KCNAB1: variants seen among roughly 807,000 people sequenced by gnomAD.
KCNAB1 encodes voltage-gated potassium channel subunit beta-1.
In KCNAB1, 35 loss-of-function variants were observed where a neutral mutation model predicts 64.6. The ratio of observed to expected loss-of-function variants is 0.54; its 90% CI spans 0.41 to 0.72. The LOEUF is 0.72. Among genes scored for constraint, KCNAB1 ranks in the 30% least tolerant of loss-of-function variants. The pLI is 0.00. For synonymous variants in KCNAB1, 177 were observed against 183.8 expected (o/e 0.96, Z 0.30); for missense variants, 401 against 512.9 (o/e 0.78, Z 2.11).
intron 1 of KCNAB1, among the ~76,000 whole-genome samples, chr3:156,179,981 A>G (rs1712698711): frequency 6.6e-6 from 1 of 152,204 alleles, no homozygotes; most frequent in East Asian, 1.9e-4. Context: ...CTTAACATAT[A>G]TTGAACATTT....
intron 1 of KCNAB1, among the ~76,000 whole-genome samples, chr3:156,197,821 T>C (rs993489727): frequency 6.6e-6 from 1 of 152,208 alleles, no homozygotes; most frequent in African/African-American, 2.4e-5. Context: ...TAGTTATTTC[T>C]TGTCTTCTGC....
intron 1 of KCNAB1, among the ~76,000 whole-genome samples, chr3:156,310,730 G>T (rs142702440): frequency 2.1e-4 from 32 of 152,310 alleles, no homozygotes; most frequent in African/African-American, 7.7e-4. Flanking sequence ...CGTGAACTCA[G>T]GAGGCGGAGC....
intron 2 of KCNAB1, among the ~76,000 whole-genome samples, chr3:156,426,094 G>C (rs777873977): frequency 1.7e-4 from 26 of 152,282 alleles, no homozygotes; most frequent in Non-Finnish European, 3.2e-4. Context: ...AGCTAGGTTT[G>C]ATTATAAGAA....
In KCNAB1 at chr3:156,143,941, T is replaced by A. The variant is rs914448422; in HGVS notation, c.275+23055T>A. 3.4e-5 allele frequency among the ~76,000 whole-genome samples: 5 copies of A among 145,864 alleles called. No individual in the cohort carries two copies. The South Asian group carries it at 6.5e-4, about 19-fold the overall frequency. Reference sequence around the variant, plus strand: ...TATTTATTTATTTATTTATTTATTTTTTAAATCAGTGTCACCCAAGATAAA... The same window carrying A: ...TATTTATTTATTTATTTATTTATTTATTAAATCAGTGTCACCCAAGATAAA... On this transcript the variant is annotated intron_variant, in intron 1 of 13. Coordinates refer to ENST00000490337, the MANE Select transcript of KCNAB1 (RefSeq NM_172160.3).
intron 1 of KCNAB1, among the ~76,000 whole-genome samples, chr3:156,403,056 G>A (rs1311613497): frequency 6.6e-6 from 1 of 152,102 alleles, no homozygotes; most frequent in Non-Finnish European, 1.5e-5. Context: ...CTTAGATATG[G>A]GGAAAAAATC....
In KCNAB1 at chr3:156,484,562, G is replaced by T. The variant is rs556459732; in HGVS notation, c.658+9742G>T. The stretch of plus-strand genomic sequence containing the variant: ...CCATATTCTGAGGGGATGTTGACTG[G>T]ATCTCAGGAGAATTCATTTCTGTAA... On this transcript the variant is annotated intron_variant, in intron 8 of 13. Transcript: ENST00000490337. Among the ~76,000 whole-genome samples, 8 of 152,202 alleles carry T rather than the reference G, an allele frequency of 5.3e-5. No homozygotes were observed. The East Asian group carries it at 1.6e-3, about 30-fold the overall frequency.
Position 156,452,103 on chromosome 3 carries a change from C to T in KCNAB1, c.320-796C>T, listed in dbSNP as rs1712053083. Among the ~76,000 whole-genome samples the T allele has an allele frequency of 6.6e-6, 1 of 152,160 alleles. No homozygotes were observed. Among genetic ancestry groups the T allele is most frequent in the South Asian group, 2.1e-4 (1 of 4,830 alleles). ...TAATTAGGAATCAAAAGAATTCATTCCCTCCTTTAGGAAGGGAAAGGAAGG... is the reference window on the plus strand; with the variant it reads ...TAATTAGGAATCAAAAGAATTCATTTCCTCCTTTAGGAAGGGAAAGGAAGG... On this transcript the variant is annotated intron_variant, in intron 2 of 13. Transcript: ENST00000490337. The surrounding 1 kb of genome is among the most constrained non-coding windows in gnomAD (Gnocchi z 4.6).
At chr3:156,244,991 G>T (rs559049226) in intron 1 of KCNAB1, among the ~76,000 whole-genome samples, 36 of 152,310 alleles carry the variant, frequency 2.4e-4, no homozygotes, top group African/African-American at 8.2e-4. Flanking sequence ...GAATCTCAAG[G>T]TCAGGCAAAG....
intron 1 of KCNAB1, among the ~76,000 whole-genome samples, chr3:156,328,992 A>G (rs979654501): frequency 1.3e-5 from 2 of 152,142 alleles, no homozygotes; most frequent in African/African-American, 4.8e-5. Context: ...TTTTGATATT[A>G]TCAAAATTTT....
chr3:156,310,107 C>T (rs979534676), intron 1 of KCNAB1, among the ~76,000 whole-genome samples: 2 of 152,260 alleles, frequency 1.3e-5, no homozygotes, highest in South Asian at 2.1e-4. Context: ...AAAGAGTGAA[C>T]GAGAGGACTC....
intron 1 of KCNAB1, among the ~76,000 whole-genome samples, chr3:156,324,448 G>A (rs879857343): frequency 1.3e-5 from 2 of 152,014 alleles, no homozygotes; most frequent in African/African-American, 2.4e-5. Context: ...CCCATGAATC[G>A]GTGCCATTTT....
At chr3:156,346,423 C>G (rs1159599012) in intron 1 of KCNAB1, among the ~76,000 whole-genome samples, 3 of 151,926 alleles carry the variant, frequency 2.0e-5, no homozygotes, top group Non-Finnish European at 4.4e-5. Flanking sequence ...AATGAAAGTC[C>G]ACAAAGAAAT....
chr3:156,333,247 A>G (rs951868847), intron 1 of KCNAB1, among the ~76,000 whole-genome samples: 2 of 151,974 alleles, frequency 1.3e-5, no homozygotes, highest in East Asian at 1.9e-4. Context: ...GAGTTCCTCT[A>G]CGCTGGACTG....
chr3:156,522,152 G>C (rs1238825991), intron 11 of KCNAB1, among the ~76,000 whole-genome samples: 2 of 147,356 alleles, frequency 1.4e-5, no homozygotes, highest in South Asian at 4.3e-4. Context: ...TACATGCATG[G>C]TATATACTGA....
intron 2 of KCNAB1, among the ~76,000 whole-genome samples, chr3:156,444,483 C>T (rs1717256650): frequency 6.6e-6 from 1 of 152,208 alleles, no homozygotes; most frequent in African/African-American, 2.4e-5. Context: ...ATCCTGTGAA[C>T]TAGTTATGAT....
intron 1 of KCNAB1, among the ~76,000 whole-genome samples, chr3:156,369,721 C>T (rs570003770): frequency 2.0e-5 from 3 of 152,194 alleles, no homozygotes; most frequent in South Asian, 4.1e-4. Context: ...GCCTTATATA[C>T]TTAGCCACAT....
chr3:156,423,808 A>C (rs1285155977), intron 2 of KCNAB1, among the ~76,000 whole-genome samples: 1 of 152,178 alleles, frequency 6.6e-6, no homozygotes, highest in Non-Finnish European at 1.5e-5. Context: ...AAGGAAAATG[A>C]GGACAGAGTC....
At chr3:156,254,161 G>A (rs1017345656) in intron 1 of KCNAB1, among the ~76,000 whole-genome samples, 2 of 152,216 alleles carry the variant, frequency 1.3e-5, no homozygotes, top group African/African-American at 2.4e-5. Flanking sequence ...TCTTTGAAAT[G>A]ATAAAATGTT....
intron 1 of KCNAB1, among the ~76,000 whole-genome samples, chr3:156,296,147 A>G (rs1359924811): frequency 2.6e-5 from 4 of 152,240 alleles, no homozygotes; most frequent in Admixed American, 6.5e-5. Context: ...ATAGATTTAC[A>G]CATGATAGAT....
Sources: allele counts gnomAD v4.1 joint callset (sites outside exome capture counted in the v4.1 genomes callset), GRCh38; gene constraint gnomAD v4.1.1; non-coding constraint Gnocchi (gnomAD v3.1); transcripts MANE v1.5; gene names NCBI Gene and HGNC (gene_info 2026-07-23, HGNC 2026-07-21).